Variants in DENND2B observed in about 807,000 individuals in gnomAD.
DENND2B encodes DENN domain-containing protein 2B.
In DENND2B, 32 loss-of-function variants were observed where a neutral mutation model predicts 116.0. The ratio of observed to expected loss-of-function variants is 0.28; its 90% CI spans 0.21 to 0.37. The LOEUF is 0.37. Ranked by LOEUF, DENND2B falls within the 10% of genes least tolerant of loss-of-function variation. The probability of loss-of-function intolerance (pLI) is 1.00; values close to 1 mark genes in which losing one functional copy is unlikely to be tolerated. For synonymous variants in DENND2B, 588 were observed against 583.9 expected, an observed-to-expected ratio of 1.01 and a Z score of -0.10; for missense variants, 1,276 against 1,477.7, an observed-to-expected ratio of 0.86 and a Z score of 2.24.
chr11:8,804,247 A>C (rs2060622376), intron 1 of DENND2B, among the ~76,000 whole-genome samples: 1 of 152,174 alleles, frequency 6.6e-6, no homozygotes, highest in African/African-American at 2.4e-5. Flanking sequence ...CCAGGTCTGA[A>C]AGGGCAGTCC....
At chr11:8,811,132 G>C (rs890013965), upstream of DENND2B, 4 of 395,068 alleles carry the variant, frequency 1.0e-5, no homozygotes, top group Non-Finnish European at 1.8e-5. Context: ...CGGGTAGGAG[G>C]GACCCTGATG....
intron 1 of DENND2B, among the ~76,000 whole-genome samples, chr11:8,784,875 A>G (rs2058748324): frequency 6.6e-6 from 1 of 152,096 alleles, no homozygotes; most frequent in Non-Finnish European, 1.5e-5. Flanking sequence ...TGAGAAAAAA[A>G]GTGGGCTGGT....
chr11:8,903,513 A>G (rs2134764279), intron 1 of DENND2B, among the ~76,000 whole-genome samples: 1 of 151,584 alleles, frequency 6.6e-6, no homozygotes, highest in East Asian at 1.9e-4. Context: ...GAAGGCACAG[A>G]TTACCATAAT....
Position 8,730,902 on chromosome 11 carries a change from C to G in DENND2B, c.388G>C (p.Ala130Pro). 1.2e-6 allele frequency: 2 copies of G among 1,614,096 alleles called. No homozygotes were observed. Among genetic ancestry groups the G allele is most frequent in the Non-Finnish European group, 8.5e-7 (1 of 1,180,038 alleles). The part of the protein sequence containing the change: ...GAAQDVAGVA[A>P]CLPLAQSTPF... Reference sequence around the variant, plus strand: ...GTGCTCTGGGCAAGGGGGAGGCAGGCAGCGACCCCTGCTACATCCTGGGCT... The same window carrying G: ...GTGCTCTGGGCAAGGGGGAGGCAGGGAGCGACCCCTGCTACATCCTGGGCT... Residue 130 changes from alanine to proline, a missense_variant, in exon 3 of 20, where the codon GCC becomes CCC. Physicochemically the swap from Ala to Pro is conservative, Grantham distance 27. Around this residue, in one of 2 missense-constraint regions of DENND2B, gnomAD observed 856 missense variants for 846.6 expected, o/e 1.01. Coordinates refer to ENST00000313726, the MANE Select transcript of DENND2B (RefSeq NM_213618.2). This position sits in a 1 kb window ranked among gnomAD's most constrained non-coding sequence, Gnocchi z 4.1.
intron 4 of DENND2B, among the ~76,000 whole-genome samples, chr11:8,719,903 C>A (rs2045854342): frequency 6.6e-6 from 1 of 152,146 alleles, no homozygotes; most frequent in Admixed American, 6.5e-5. Flanking sequence ...AAGCCTTGTC[C>A]CAATCCCAGG....
chr11:8,827,744 A>G (rs865780326), intron 4 of DENND2B, among the ~76,000 whole-genome samples: 1 of 152,226 alleles, frequency 6.6e-6, no homozygotes, highest in Non-Finnish European at 1.5e-5. Flanking sequence ...AGACTGTCTC[A>G]GCAAGCTTCT....
At chr11:8,832,611 G>A (rs1032062692) in intron 4 of DENND2B, 1 of 152,446 alleles carries the variant, frequency 6.6e-6, no homozygotes, top group African/African-American at 2.4e-5. Flanking sequence ...ACAGAGGCAT[G>A]AGGCAGCCAC....
chr11:8,873,035 C>T (rs867180009), upstream of DENND2B, among the ~76,000 whole-genome samples: 2 of 152,286 alleles, frequency 1.3e-5, no homozygotes, highest in Non-Finnish European at 1.5e-5. Context: ...AAACGTGGAA[C>T]AAGAGAACTC....
At chr11:8,881,294 T>C (rs2063901481) in intron 1 of DENND2B, among the ~76,000 whole-genome samples, 1 of 152,198 alleles carries the variant, frequency 6.6e-6, no homozygotes, top group Non-Finnish European at 1.5e-5. Context: ...TGTTCTATAG[T>C]TCCAGTAAAT....
chr11:8,897,090 A>C (rs2064111291), intron 1 of DENND2B, among the ~76,000 whole-genome samples: 1 of 139,356 alleles, frequency 7.2e-6, no homozygotes, highest in Admixed American at 7.2e-5. Context: ...ATACAAAAAA[A>C]ATTTTTTTTT....
intron 4 of DENND2B, among the ~76,000 whole-genome samples, chr11:8,820,239 A>AAT (rs1397806704): frequency 2.0e-5 from 3 of 152,052 alleles, no homozygotes; most frequent in Non-Finnish European, 4.4e-5. Context: ...TCTGTTAAAA[A>AAT]ATATATATAT....
chr11:8,730,969 C>T lies in DENND2B; in HGVS notation c.321G>A (p.Ser107=), dbSNP rs563347230. 52 of 1,614,184 alleles carry T rather than the reference C, an allele frequency of 3.2e-5. No individual in the cohort carries two copies. In the South Asian group the frequency reaches 5.5e-4, roughly 17 times the overall value. ...ASFGYLDRSP[S]ACKRDAQKES... ...CCTTTTGGGCGTCTCTCTTGCACGC[C>T]GAAGGGCTTCTGTCCAAATAACCGA... Residue 107 remains serine (S), a synonymous_variant, in exon 3 of 20, where the codon TCG becomes TCA. Coordinates refer to ENST00000313726, the MANE Select transcript of DENND2B (RefSeq NM_213618.2). The surrounding 1 kb of genome is among the most constrained non-coding windows in gnomAD (Gnocchi z 4.1).
chr11:8,713,806 C>A (rs1000259139), intron 8 of DENND2B, among the ~76,000 whole-genome samples, 192 bp downstream of exon 8: 1 of 152,218 alleles, frequency 6.6e-6, no homozygotes, highest in Non-Finnish European at 1.5e-5. Context: ...CCTTGCAGGG[C>A]TGAGCTCACA....
chr11:8,778,052 G>A (rs999611397), intron 1 of DENND2B, among the ~76,000 whole-genome samples: 1 of 152,188 alleles, frequency 6.6e-6, no homozygotes, highest in Non-Finnish European at 1.5e-5. Context: ...ATGCTGGCTT[G>A]TACAGCTCAG....
intron 1 of DENND2B, among the ~76,000 whole-genome samples, 193 bp from the exon 2 acceptor site, chr11:8,750,918 A>C (rs2052302964): frequency 6.6e-6 from 1 of 152,198 alleles, no homozygotes; most frequent in Admixed American, 6.5e-5. Context: ...TGGAATACGG[A>C]GGAGTGTGAG....
At chr11:8,697,981 A>C (rs559729009) in intron 16 of DENND2B, 5 of 448,498 alleles carry the variant, frequency 1.1e-5, no homozygotes, top group East Asian at 6.7e-5. Flanking sequence ...AACACACACA[A>C]AAAAACAATT....
intron 2 of DENND2B, among the ~76,000 whole-genome samples, chr11:8,860,811 A>G (rs1434241743): frequency 6.6e-6 from 1 of 152,234 alleles, no homozygotes; most frequent in Non-Finnish European, 1.5e-5. Flanking sequence ...TAGTAACAAA[A>G]CAGCAATGGT....
At chr11:8,710,959 T>C in intron 10 of DENND2B, 45 bp from the exon 11 acceptor site, 1 of 1,607,848 alleles carries the variant, frequency 6.2e-7, no homozygotes, top group Non-Finnish European at 8.5e-7. Context: ...TGAGAGGACC[T>C]AGGAAACAGC....
chr11:8,697,116 T>C (rs914126864), intron 17 of DENND2B, among the ~76,000 whole-genome samples: 1 of 152,226 alleles, frequency 6.6e-6, no homozygotes, highest in African/African-American at 2.4e-5. Context: ...GCCTACGAGC[T>C]GCAGAAGGCC....
Sources: allele counts gnomAD v4.1 joint callset (sites outside exome capture counted in the v4.1 genomes callset), GRCh38; gene constraint gnomAD v4.1.1; regional missense constraint gnomAD v4.1.1; non-coding constraint Gnocchi (gnomAD v3.1); transcripts MANE v1.5; gene names NCBI Gene and HGNC (gene_info 2026-07-23, HGNC 2026-07-21).